DLG2: variants seen among roughly 807,000 people sequenced by gnomAD.
DLG2 encodes the protein discs large MAGUK scaffold protein 2.
Under a neutral mutation model 132.5 loss-of-function variants are expected in DLG2, and 45 were observed. That is an observed-to-expected ratio of 0.34 (90% CI 0.27 to 0.44). The LOEUF is 0.44. Ranked by LOEUF, DLG2 falls within the 20% of genes least tolerant of loss-of-function variation. The pLI is 1.00. For synonymous variants in DLG2, 424 were observed against 419.6 expected (o/e 1.01, Z -0.13); for missense variants, 1,045 against 1,196.9 (o/e 0.87, Z 1.87).
At chr11:85,066,707 C>A (rs1195471037) in intron 6 of DLG2, among the ~76,000 whole-genome samples, 1 of 151,500 alleles carries the variant, frequency 6.6e-6, no homozygotes. Context: ...ATTATATCAA[C>A]AGACACCGAA....
At chr11:83,690,175 G>A (rs2080722060) in intron 18 of DLG2, among the ~76,000 whole-genome samples, 1 of 150,306 alleles carries the variant, frequency 6.7e-6, no homozygotes. Flanking sequence ...AAAAAGAGAA[G>A]GTCTTGGCTA....
chr11:85,276,298 A>G (rs2077888317), intron 4 of DLG2, among the ~76,000 whole-genome samples: 1 of 152,152 alleles, frequency 6.6e-6, no homozygotes, highest in African/African-American at 2.4e-5. Context: ...TGCCTGTTGA[A>G]TAAGAAATGG....
chr11:85,126,305 C>G (rs935544544), intron 5 of DLG2, among the ~76,000 whole-genome samples: 3 of 152,036 alleles, frequency 2.0e-5, no homozygotes, highest in African/African-American at 7.3e-5. Context: ...AAAAGAGAAT[C>G]GTATACTTTG....
At chr11:84,509,315 T>C (rs577978284) in intron 7 of DLG2, among the ~76,000 whole-genome samples, 2 of 152,296 alleles carry the variant, frequency 1.3e-5, no homozygotes, top group East Asian at 1.9e-4. Context: ...TAAAAAGTCT[T>C]TCAAGGAAAT....
In DLG2 at chr11:84,778,455, A is replaced by C. The variant is rs563260664; in HGVS notation, c.358-243724T>G. 2.2e-4 allele frequency among the ~76,000 whole-genome samples: 33 copies of C among 152,234 alleles called. 1 individual carries two copies. The South Asian group carries it at 6.2e-3, about 29-fold the overall frequency. The stretch of plus-strand genomic sequence containing the variant: ...TTCTGGTTCATTTTTGATTCCATAA[A>C]ATTTTTAAATTGCTTTTTCTAATTC... On this transcript the variant is annotated intron_variant, in intron 6 of 27. Transcript: ENST00000376104.
chr11:84,324,116 A>G (rs1280477783), intron 7 of DLG2, among the ~76,000 whole-genome samples: 1 of 152,084 alleles, frequency 6.6e-6, no homozygotes, highest in Non-Finnish European at 1.5e-5. Context: ...TTGTTGTCAT[A>G]TCCAAGAAAT....
intron 4 of DLG2, among the ~76,000 whole-genome samples, chr11:85,192,522 A>C (rs1039231335): frequency 6.6e-6 from 1 of 152,200 alleles, no homozygotes; most frequent in African/African-American, 2.4e-5. Context: ...CTAAGGTAGA[A>C]ACAAGTGCAA....
intron 19 of DLG2, among the ~76,000 whole-genome samples, chr11:83,622,158 C>T (rs2061731342): frequency 6.6e-6 from 1 of 152,096 alleles, no homozygotes. Context: ...GAACTCTTGA[C>T]CTCAAGTTAT....
chr11:84,457,786 T>C (rs895218578), intron 7 of DLG2, among the ~76,000 whole-genome samples: 13 of 150,976 alleles, frequency 8.6e-5, no homozygotes, highest in African/African-American at 9.7e-5. Flanking sequence ...ATATTTATAA[T>C]TAAATTCGTG....
chr11:84,570,437 G>A (rs2099477448), intron 6 of DLG2, among the ~76,000 whole-genome samples: 1 of 152,062 alleles, frequency 6.6e-6, no homozygotes, highest in Non-Finnish European at 1.5e-5. Context: ...TTTTGTTATG[G>A]TATGTGTCTC....
chr11:84,968,120 CA>C lies in DLG2; in HGVS notation c.357+143540del, dbSNP rs547835180. Among the ~76,000 whole-genome samples the C allele has an allele frequency of 2.4e-3, 359 of 151,696 alleles. 2 individuals carry two copies. Among genetic ancestry groups the C allele is most frequent in the African/African-American group, 8.3e-3 (344 of 41,376 alleles). On this transcript the variant is annotated intron_variant, in intron 6 of 27. Coordinates refer to ENST00000376104, the MANE Select transcript of DLG2 (RefSeq NM_001142699.3). ...ACCAAATGTAAATATTCTAAATGTT[CA>C]AAAAAGGGAAGCAATTAAATAGCCA...
rs1374234384 is a variant in DLG2, at chr11:83,699,449, C to A, written c.1826-66124G>T. The stretch of plus-strand genomic sequence containing the variant: ...CAGTGGCTCACGCCTGTAATCGCAG[C>A]ACTTTGGGAGGCTGAGGCAGGCGGA... On this transcript the variant is annotated intron_variant, in intron 18 of 27. Transcript: ENST00000376104. Among the ~76,000 whole-genome samples the A allele has an allele frequency of 4.0e-5, 6 of 151,742 alleles. No individual in the cohort carries two copies. The South Asian group carries it at 1.3e-3, about 32-fold the overall frequency.
At chr11:83,964,827 T>C (rs959309532) in intron 13 of DLG2, among the ~76,000 whole-genome samples, 1 of 151,956 alleles carries the variant, frequency 6.6e-6, no homozygotes, top group African/African-American at 2.4e-5. Context: ...TACTTGCCAA[T>C]ATAACAAATT....
chr11:85,364,039 T>G (rs1246623979), intron 3 of DLG2, among the ~76,000 whole-genome samples: 1 of 152,204 alleles, frequency 6.6e-6, no homozygotes, highest in Non-Finnish European at 1.5e-5. Flanking sequence ...GTATTAGCAG[T>G]TGGTGCTGAA....
chr11:84,636,782 AC>A (rs1335224943), intron 6 of DLG2, among the ~76,000 whole-genome samples: 1 of 61,076 alleles, frequency 1.6e-5, no homozygotes, highest in African/African-American at 4.9e-5. Context: ...CAAGGGATGC[AC>A]ATTTTTTTTT....
intron 4 of DLG2, among the ~76,000 whole-genome samples, chr11:85,253,823 G>C (rs1386413283): frequency 6.6e-6 from 1 of 152,066 alleles, no homozygotes; most frequent in East Asian, 1.9e-4. Context: ...AATGCCAAAG[G>C]GGAGCTGAAA....
intron 6 of DLG2, among the ~76,000 whole-genome samples, chr11:84,961,914 A>G (rs2052636073): frequency 6.6e-6 from 1 of 152,102 alleles, no homozygotes; most frequent in Non-Finnish European, 1.5e-5. Flanking sequence ...CTTTTGTCCA[A>G]CTAATCCCTC....
intron 4 of DLG2, among the ~76,000 whole-genome samples, chr11:85,158,841 C>A (rs752213641): frequency 2.0e-5 from 3 of 152,148 alleles, no homozygotes; most frequent in African/African-American, 7.2e-5. Context: ...AAGCCTACTG[C>A]ATTCATACTT....
chr11:83,833,337 C>T (rs2055123567), intron 17 of DLG2, among the ~76,000 whole-genome samples: 1 of 152,096 alleles, frequency 6.6e-6, no homozygotes, highest in Admixed American at 6.6e-5. Flanking sequence ...ACTCAGGAGG[C>T]TGAGGCAGGA....
Sources: gnomAD v4.1 joint callset for allele counts (sites outside exome capture counted in the v4.1 genomes callset) on GRCh38, gnomAD v4.1.1 for gene constraint, MANE v1.5 for transcripts, NCBI Gene and HGNC (gene_info 2026-07-23, HGNC 2026-07-21) for gene names.